The following BCAS3 variants were observed in gnomAD, a reference collection of about 807,000 sequenced individuals.
BCAS3 encodes BCAS4/BCAS3 fusion.
In BCAS3, 53 loss-of-function variants were observed where a neutral mutation model predicts 116.1. The ratio of observed to expected loss-of-function variants is 0.46; its 90% CI spans 0.37 to 0.57. The LOEUF is 0.57. Ranked by LOEUF, BCAS3 falls within the 20% of genes least tolerant of loss-of-function variation. The pLI, the probability that BCAS3 is intolerant of heterozygous loss-of-function variation, is 0.00. For missense variants in BCAS3, 917 were observed against 1,165.4 expected (o/e 0.79, Z 3.10); for synonymous variants, 391 against 408.2 (o/e 0.96, Z 0.51).
At chr17:61,375,569 C>CT (rs909845597) in intron 23 of BCAS3, among the ~76,000 whole-genome samples, 3,010 of 136,548 alleles carry the variant, frequency 0.022, 48 homozygotes, top group African/African-American at 0.037. Context: ...TGTTAATTAT[C>CT]TTTTTTTTTT....
At position 60,869,277 on chromosome 17, in the gene BCAS3, T is replaced by G. The variant is rs909450426; in HGVS notation, c.584+594T>G. Among the ~76,000 whole-genome samples the G allele has an allele frequency of 4.6e-5, 7 of 152,156 alleles. No homozygotes were observed. In the South Asian group the frequency reaches 1.4e-3, roughly 32 times the overall value. On this transcript the variant is annotated intron_variant, in intron 8 of 23. Transcript: ENST00000407086. ...TAATGACAAATTAATCACAGAACAT[T>G]AGAGGAGAAAGGAACCTTAGGAATC...
rs2057581897 is a variant in BCAS3 at position 61,347,663 on chromosome 17, A to G, written c.2426-20664A>G. 6.6e-6 allele frequency among the ~76,000 whole-genome samples: 1 copy of G among 152,226 alleles called. No homozygotes were observed. The highest frequency in any genetic ancestry group is 2.4e-5 in the African/African-American group (1 of 41,456). ...CATCCAGCATAGCGACTGGTGCACA[A>G]TAGACATCTGTTTTGTCTGTTGTGG... is the stretch of plus-strand genomic sequence containing the variant. On this transcript the variant is annotated intron_variant, in intron 22 of 23. Transcript: ENST00000407086. This position sits in a 1 kb window ranked among gnomAD's most constrained non-coding sequence, Gnocchi z 4.3.
At chr17:60,705,331 C>T (rs1947136841) in intron 4 of BCAS3, among the ~76,000 whole-genome samples, 1 of 151,922 alleles carries the variant, frequency 6.6e-6, no homozygotes, top group African/African-American at 2.4e-5. Flanking sequence ...CCAGCCTGGC[C>T]AACATGGCGA....
At chr17:60,806,492 A>G (rs930479748) in intron 6 of BCAS3, among the ~76,000 whole-genome samples, 2 of 151,336 alleles carry the variant, frequency 1.3e-5, no homozygotes, top group African/African-American at 4.9e-5. Context: ...CCTTAATATC[A>G]TTATCAATAT....
rs1219352543 is a variant in BCAS3 at position 61,056,876 on chromosome 17, G to A, written c.2029+15984G>A. Among the ~76,000 whole-genome samples, 1 of 152,162 alleles carries A rather than the reference G, an allele frequency of 6.6e-6. No homozygotes were observed. Among genetic ancestry groups the A allele is most frequent in the African/African-American group, 2.4e-5 (1 of 41,442 alleles). On this transcript the variant is annotated intron_variant, in intron 19 of 23. Coordinates refer to ENST00000407086, the MANE Select transcript of BCAS3 (RefSeq NM_017679.5). The surrounding 1 kb of genome is among the most constrained non-coding windows in gnomAD (Gnocchi z 4.9). ...GTTATGGAAAACCTCATAGTTGTTA[G>A]AACTCTCTCCATGACAAGGATTAAT... is the stretch of plus-strand genomic sequence containing the variant.
chr17:61,143,536 A>G (rs1185679797), intron 22 of BCAS3, among the ~76,000 whole-genome samples: 1 of 152,192 alleles, frequency 6.6e-6, no homozygotes, highest in Non-Finnish European at 1.5e-5. Flanking sequence ...TGGGCCAGGC[A>G]TGGTGGCTCA....
At chr17:60,761,835 G>T (rs2043573568) in intron 6 of BCAS3, among the ~76,000 whole-genome samples, 1 of 137,918 alleles carries the variant, frequency 7.3e-6, no homozygotes, top group African/African-American at 3.5e-5. Context: ...GTGTAAAAGT[G>T]TTCCTATTTC....
At chr17:60,864,539 T>A (rs2054427816) in intron 7 of BCAS3, among the ~76,000 whole-genome samples, 1 of 152,252 alleles carries the variant, frequency 6.6e-6, no homozygotes, top group South Asian at 2.1e-4. Flanking sequence ...AGGCTTTGGC[T>A]TAAGGGAATG....
At chr17:61,166,898 G>T (rs2144094259) in intron 22 of BCAS3, among the ~76,000 whole-genome samples, 1 of 151,566 alleles carries the variant, frequency 6.6e-6, no homozygotes, top group African/African-American at 2.4e-5. Context: ...TGTTGTTGTT[G>T]TTGTAGAGAT....
intron 6 of BCAS3, among the ~76,000 whole-genome samples, chr17:60,797,495 T>G (rs986765354): frequency 1.3e-5 from 2 of 152,086 alleles, no homozygotes; most frequent in African/African-American, 4.8e-5. Context: ...ACTACAGGTG[T>G]GTAGCACCAC....
chr17:60,923,581 A>T (rs2059215648), intron 12 of BCAS3, among the ~76,000 whole-genome samples: 2 of 152,196 alleles, frequency 1.3e-5, no homozygotes, highest in Non-Finnish European at 2.9e-5. Context: ...CCAGTGTAGG[A>T]CAACTTCCAA....
At chr17:61,016,012 C>A in intron 16 of BCAS3, 111 bp downstream of exon 16, 1 of 1,170,932 alleles carries the variant, frequency 8.5e-7, no homozygotes, top group East Asian at 2.4e-5. Flanking sequence ...TCATTTCCAG[C>A]TCAAATAAGA....
At chr17:61,039,863 G>C (rs1174814999) in intron 18 of BCAS3, among the ~76,000 whole-genome samples, 2 of 152,098 alleles carry the variant, frequency 1.3e-5, no homozygotes, top group African/African-American at 2.4e-5. Flanking sequence ...CGAAAATAGA[G>C]AGTAACATTG....
At chr17:60,732,418 G>A (rs1026707656) in intron 5 of BCAS3, among the ~76,000 whole-genome samples, 1 of 152,174 alleles carries the variant, frequency 6.6e-6, no homozygotes, top group African/African-American at 2.4e-5. Flanking sequence ...GTGGAGACTG[G>A]CTTGATCTTG....
rs1429717409 is a variant in BCAS3 at position 61,265,048 on chromosome 17, T to A, written c.2426-103279T>A. 1.3e-5 allele frequency among the ~76,000 whole-genome samples: 2 copies of A among 152,218 alleles called. No homozygotes were observed. The highest frequency in any genetic ancestry group is 2.9e-5 in the Non-Finnish European group (2 of 68,042). ...GTTTATTTTTATTAGCTGTGTAATC[T>A]TATATAAATTATTTAACATTAGTTA... On this transcript the variant is annotated intron_variant, in intron 22 of 23. Coordinates refer to ENST00000407086, the MANE Select transcript of BCAS3 (RefSeq NM_017679.5). This position sits in a 1 kb window ranked among gnomAD's most constrained non-coding sequence, Gnocchi z 4.3.
Position 61,151,373 on chromosome 17 carries a change from C to A in BCAS3, c.2425+66809C>A, listed in dbSNP as rs775011730. 4.0e-5 allele frequency among the ~76,000 whole-genome samples: 6 copies of A among 151,562 alleles called. No individual in the cohort carries two copies. Among genetic ancestry groups the A allele is most frequent in the Non-Finnish European group, 5.9e-5 (4 of 67,978 alleles). On this transcript the variant is annotated intron_variant, in intron 22 of 23. Coordinates refer to ENST00000407086, the MANE Select transcript of BCAS3 (RefSeq NM_017679.5). This position sits in a 1 kb window ranked among gnomAD's most constrained non-coding sequence, Gnocchi z 4.8. ...GATAATCAACCTATACCACTACCTCCTCCTCCTGTTTTTTCCTACTTTTTT... is the reference window on the plus strand; with the variant it reads ...GATAATCAACCTATACCACTACCTCATCCTCCTGTTTTTTCCTACTTTTTT...
At chr17:61,298,477 G>A (rs1442205465) in intron 22 of BCAS3, among the ~76,000 whole-genome samples, 4 of 152,182 alleles carry the variant, frequency 2.6e-5, no homozygotes, top group Non-Finnish European at 5.9e-5. Context: ...TCTAGTATGT[G>A]GAAACTCTTC....
chr17:61,266,783 G>C (rs1034655489), intron 22 of BCAS3, among the ~76,000 whole-genome samples: 7 of 152,140 alleles, frequency 4.6e-5, no homozygotes, highest in South Asian at 2.1e-4. Flanking sequence ...AGCCTATTTA[G>C]TCTATTTTCT....
intron 22 of BCAS3, among the ~76,000 whole-genome samples, chr17:61,234,305 A>G (rs1568629159): frequency 6.6e-6 from 1 of 151,932 alleles, no homozygotes; most frequent in Non-Finnish European, 1.5e-5. Flanking sequence ...TTCCTACACC[A>G]TTGCTGAGCA....
Sources: allele counts gnomAD v4.1 joint callset (sites outside exome capture counted in the v4.1 genomes callset), GRCh38; gene constraint gnomAD v4.1.1; non-coding constraint Gnocchi (gnomAD v3.1); transcripts MANE v1.5; gene names NCBI Gene and HGNC (gene_info 2026-07-23, HGNC 2026-07-21).